USF3: variants seen among roughly 807,000 people sequenced by gnomAD.
The protein encoded by USF3 is upstream transcription factor family member 3.
USF3 carries 29 observed loss-of-function variants against 157.5 expected under a neutral mutation model. That is an observed-to-expected ratio of 0.18 (90% CI 0.14 to 0.25). The LOEUF is 0.25. USF3 is among the 10% of genes least tolerant of loss of function. The pLI, the probability that USF3 is intolerant of heterozygous loss-of-function variation, is 1.00. For missense variants in USF3, 2,381 were observed against 2,667.6 expected (o/e 0.89, Z 2.37); for synonymous variants, 893 against 941.4 (o/e 0.95, Z 0.94).
rs989642499 is a variant in USF3 at position 113,648,964 on chromosome 3, G to C, written c.*5980C>G. On this transcript the variant is annotated 3_prime_UTR_variant, in exon 7 of 7. Coordinates refer to ENST00000316407, the MANE Select transcript of USF3 (RefSeq NM_001009899.4). ...TTTTCTTCACAGTAACACAACTGCA[G>C]CATCTTAACACTATCTGGTCCCTTT... 6.6e-6 allele frequency: 1 copy of C among 152,362 alleles called. No individual in the cohort carries two copies. Among genetic ancestry groups the C allele is most frequent in the Non-Finnish European group, 1.5e-5 (1 of 68,006 alleles). 9.4% of individuals were successfully genotyped at this position (152,362 alleles called of 1,614,324 possible).
At position 113,651,662 on chromosome 3, in the gene USF3, A is replaced by T. The variant is rs1288632934; in HGVS notation, c.*3282T>A. On this transcript the variant is annotated 3_prime_UTR_variant, in exon 7 of 7. Coordinates refer to ENST00000316407, the MANE Select transcript of USF3 (RefSeq NM_001009899.4). ...ATACTTAATACTGCTAGTAAATCTC[A>T]TATATTCATGCTTTTAAATCAAATA... The T allele has an allele frequency of 6.6e-6, 1 of 152,236 alleles. No homozygotes were observed. The highest frequency in any genetic ancestry group is 1.5e-5 in the Non-Finnish European group (1 of 68,042). 9.4% of individuals were successfully genotyped at this position (152,236 alleles called of 1,614,324 possible). A position where few individuals can be genotyped will look rare whatever the true frequency, so the allele number is the denominator to read the frequency against.
chr3:113,657,218 T>C lies in USF3; in HGVS notation c.4464A>G (p.Leu1488=), dbSNP rs931154744. 3 of 1,614,062 alleles carry C rather than the reference T, an allele frequency of 1.9e-6. No homozygotes were observed. Among genetic ancestry groups the C allele is most frequent in the Non-Finnish European group, 2.5e-6 (3 of 1,180,018 alleles). The change falls in exon 7 of 7, where the codon TTA becomes TTG. Residue 1488 remains leucine, a synonymous_variant. Transcript: ENST00000316407. ...GAGGTACATGATGCTGCATTTGATA[T>C]AAGTGATGCCTCTCTCTTAACTGCC... ...QAGQLRERHH[L]YQMQHHVPHA...
At position 113,655,021 on chromosome 3, in the gene USF3, A is replaced by G; in HGVS notation, c.6661T>C (p.Ser2221Pro). 8 of 1,614,224 alleles carry G rather than the reference A, an allele frequency of 5.0e-6. No homozygotes were observed. Among genetic ancestry groups the G allele is most frequent in the Non-Finnish European group, 5.9e-6 (7 of 1,180,020 alleles). ...LTIANSSASD[S>P]SKQSSNRPAH... ...GGTCTGTTTGAGGACTGCTTGGAAG[A>G]GTCAGAGGCAGAGGAATTTGCTATT... Residue 2221 changes from serine (S) to proline (P), a missense_variant, in exon 7 of 7, where the codon TCT (serine) becomes CCT (proline). Around this residue, in one of 6 missense-constraint regions of USF3, gnomAD observed 20 missense variants for 36.6 expected, o/e 0.55. Transcript: ENST00000316407.
chr3:113,664,065 T>G (rs376441059), intron 6 of USF3, among the ~76,000 whole-genome samples: 7 of 152,148 alleles, frequency 4.6e-5, no homozygotes, highest in Non-Finnish European at 8.8e-5. Flanking sequence ...TAGGCAAACA[T>G]GAAATACACA....
At position 113,654,555 on chromosome 3, in the gene USF3, C is replaced by G. The variant is rs1334530296; in HGVS notation, c.*389G>C. On this transcript the variant is annotated 3_prime_UTR_variant, in exon 7 of 7. Transcript: ENST00000316407. The stretch of plus-strand genomic sequence containing the variant: ...GAGCCACTGTGTTTTATCAAGCTGC[C>G]TATATTTTTCAGTAGCAACTTACCT... 2 of 172,010 alleles carry G rather than the reference C, an allele frequency of 1.2e-5. No homozygotes were observed. The highest frequency in any genetic ancestry group is 1.2e-4 in the Admixed American group (2 of 16,930). 10.7% of individuals were successfully genotyped at this position (172,010 alleles called of 1,614,324 possible).
Position 113,656,192 on chromosome 3 carries a change from A to T in USF3, c.5490T>A (p.Asp1830Glu). 1.2e-6 allele frequency: 2 copies of T among 1,614,060 alleles called. No individual in the cohort carries two copies. The highest frequency in any genetic ancestry group is 1.7e-6 in the Non-Finnish European group (2 of 1,180,014). The stretch of plus-strand genomic sequence containing the variant: ...GTGACCTCTGGCTCCCAATGACCTG[A>T]TCACTGAGGTGAGGGGCAAGTAAGC... ...MQSLLAPHLS[D>E]QVIGSQRSLS... The change falls in exon 7 of 7, where the codon GAT becomes GAA. Residue 1830 changes from aspartate (D) to glutamate (E), a missense_variant. By Grantham distance (45) the Asp-to-Glu change is conservative (BLOSUM62 2). Transcript: ENST00000316407.
In USF3 at chr3:113,653,053, C is replaced by CAA; in HGVS notation, c.*1889_*1890dup. Reference sequence around the variant, plus strand: ...CACTCCAGCCTGGGTGACAGAGTCTCAAAAAAAAAAGAAAAGAAGAAAGAA... The same window carrying CAA: ...CACTCCAGCCTGGGTGACAGAGTCTCAAAAAAAAAAAAGAAAAGAAGAAAGAA... On this transcript the variant is annotated 3_prime_UTR_variant, in exon 7 of 7. Transcript: ENST00000316407. The CAA allele has an allele frequency of 8.9e-5, 27 of 301,756 alleles. No individual in the cohort carries two copies. The highest frequency in any genetic ancestry group is 4.0e-4 in the South Asian group (6 of 15,082). 18.7% of individuals were successfully genotyped at this position (301,756 alleles called of 1,614,324 possible).
Position 113,651,873 on chromosome 3 carries a change from T to TA in USF3, c.*3070dup, listed in dbSNP as rs1947266308. The TA allele has an allele frequency of 2.0e-5, 3 of 152,162 alleles. No individual in the cohort carries two copies. Among genetic ancestry groups the TA allele is most frequent in the South Asian group, 4.1e-4 (2 of 4,836 alleles). 9.4% of individuals were successfully genotyped at this position (152,162 alleles called of 1,614,324 possible). ...TGAGACTCTTTCAAGATCAAAATGTTAGACTGTTGGAATGAAAGCTCCAAG... is the reference window on the plus strand; with the variant it reads ...TGAGACTCTTTCAAGATCAAAATGTTAAGACTGTTGGAATGAAAGCTCCAAG... On this transcript the variant is annotated 3_prime_UTR_variant, in exon 7 of 7. Coordinates refer to ENST00000316407, the MANE Select transcript of USF3 (RefSeq NM_001009899.4).
intron 1 of USF3, among the ~76,000 whole-genome samples, chr3:113,693,112 A>C (rs1707721236): frequency 6.6e-6 from 1 of 152,254 alleles, no homozygotes; most frequent in South Asian, 2.1e-4. Context: ...TTCAAGATGT[A>C]TATGGCTATC....
At position 113,655,788 on chromosome 3, in the gene USF3, G is replaced by A. The variant is rs1489758058; in HGVS notation, c.5894C>T (p.Pro1965Leu). ...SVSHGNGDQGPAVRQANSSVP... is the reference protein window; with the variant it reads ...SVSHGNGDQGLAVRQANSSVP... The stretch of plus-strand genomic sequence containing the variant: ...TGAAGAATTAGCTTGACGTACAGCA[G>A]GGCCTTGATCGCCATTTCCATGAGA... Residue 1965 changes from proline to leucine, a missense_variant, in exon 7 of 7, where the codon CCT becomes CTT. Coordinates refer to ENST00000316407, the MANE Select transcript of USF3 (RefSeq NM_001009899.4). 6.2e-7 allele frequency: 1 copy of A among 1,614,046 alleles called. No homozygotes were observed. Among genetic ancestry groups the A allele is most frequent in the Non-Finnish European group, 8.5e-7 (1 of 1,180,042 alleles).
Position 113,657,549 on chromosome 3 carries a change from A to G in USF3, c.4133T>C (p.Ile1378Thr), listed in dbSNP as rs749599848. The change falls in exon 7 of 7, where the codon ATC becomes ACC. Residue 1378 changes from isoleucine to threonine, a missense_variant. Transcript: ENST00000316407. ...AACTGAGTTTGAAGAATTAGGAGGG[A>G]TCTGACTGACCATCATTTGAGTTTG... ...SDQTQMMVSQ[I>T]PPNSSNSVVP... 5 of 1,614,118 alleles carry G rather than the reference A, an allele frequency of 3.1e-6. No homozygotes were observed. The South Asian group carries it at 5.5e-5, about 18-fold the overall frequency.
At position 113,652,743 on chromosome 3, in the gene USF3, A is replaced by G. The variant is rs2012309; in HGVS notation, c.*2201T>C. On this transcript the variant is annotated 3_prime_UTR_variant, in exon 7 of 7. Coordinates refer to ENST00000316407, the MANE Select transcript of USF3 (RefSeq NM_001009899.4). ...GGCCGAGGTGGGTGGATCACCTGAC[A>G]TCAGGAGTTCAAGACCAGCCTGGCC... is the stretch of plus-strand genomic sequence containing the variant. 57,254 of 155,428 alleles carry G rather than the reference A, an allele frequency of 0.37. 10,570 individuals are homozygous for G. The highest frequency in any genetic ancestry group is 0.41 in the African/African-American group (17,089 of 41,434). The allele number at this position is 155,428 out of a possible 1,614,324, so 9.6% of individuals were successfully genotyped here.
At chr3:113,680,828 A>C (rs1353918012) in intron 1 of USF3, among the ~76,000 whole-genome samples, 1 of 150,664 alleles carries the variant, frequency 6.6e-6, no homozygotes, top group Non-Finnish European at 1.5e-5. Context: ...TTGTTTCGTC[A>C]ATCTATTTTG....
chr3:113,654,716 C>T lies in USF3; in HGVS notation c.*228G>A. 2.0e-6 allele frequency: 1 copy of T among 502,308 alleles called. No individual in the cohort carries two copies. The highest frequency in any genetic ancestry group is 3.5e-6 in the Non-Finnish European group (1 of 289,438). The allele number at this position is 502,308 out of a possible 1,614,324, so 31.1% of individuals were successfully genotyped here. A position where few individuals can be genotyped will look rare whatever the true frequency, so the allele number is the denominator to read the frequency against. ...ATATCAACTTGGAAATGTAAATCTACTTGGAAAATAAAAAAGTACACCATG... is the reference window on the plus strand; with the variant it reads ...ATATCAACTTGGAAATGTAAATCTATTTGGAAAATAAAAAAGTACACCATG... On this transcript the variant is annotated 3_prime_UTR_variant, in exon 7 of 7. Transcript: ENST00000316407.
At chr3:113,674,607 T>A (rs536373722) in intron 3 of USF3, among the ~76,000 whole-genome samples, 1 of 152,362 alleles carries the variant, frequency 6.6e-6, no homozygotes, top group African/African-American at 2.4e-5. Context: ...CCTCCCAAAG[T>A]GCTGGGATTA....
chr3:113,674,719 T>C, intron 3 of USF3, 113 bp downstream of exon 3: 1 of 807,490 alleles, frequency 1.2e-6, no homozygotes, highest in Non-Finnish European at 2.2e-6. Context: ...AGAGTAATAA[T>C]TTCCTCGGTA....
intron 5 of USF3, among the ~76,000 whole-genome samples, chr3:113,669,460 T>C (rs956310904): frequency 6.6e-6 from 1 of 152,190 alleles, no homozygotes; most frequent in Non-Finnish European, 1.5e-5. Flanking sequence ...TTTTTGCATA[T>C]ATTCATTTAA....
chr3:113,649,778 C>T lies in USF3; in HGVS notation c.*5166G>A. On this transcript the variant is annotated 3_prime_UTR_variant, in exon 7 of 7. Coordinates refer to ENST00000316407, the MANE Select transcript of USF3 (RefSeq NM_001009899.4). ...TAGAAGCTCTGTGTCCAACAAGGTC[C>T]TCACGCTTCTTATCAGCATGGACTG... 1 of 701,730 alleles carries T rather than the reference C, an allele frequency of 1.4e-6. No homozygotes were observed. Among genetic ancestry groups the T allele is most frequent in the Non-Finnish European group, 2.6e-6 (1 of 384,482 alleles). 43.5% of individuals were successfully genotyped at this position (701,730 alleles called of 1,614,324 possible). A position where few individuals can be genotyped will look rare whatever the true frequency, so the allele number is the denominator to read the frequency against.
chr3:113,693,217 C>A (rs1180075229), intron 1 of USF3, among the ~76,000 whole-genome samples: 1 of 152,084 alleles, frequency 6.6e-6, no homozygotes, highest in Non-Finnish European at 1.5e-5. Flanking sequence ...CCCAAAAATA[C>A]AAAGATAAAA....
Sources: gnomAD v4.1 joint callset for allele counts (sites outside exome capture counted in the v4.1 genomes callset) on GRCh38, gnomAD v4.1.1 for gene constraint, gnomAD v4.1.1 regional missense constraint, MANE v1.5 for transcripts, NCBI Gene and HGNC (gene_info 2026-07-23, HGNC 2026-07-21) for gene names.